Variants in GRM8 observed in about 807,000 individuals in gnomAD.
GRM8 encodes the protein metabotropic glutamate receptor 8.
GRM8 carries 47 observed loss-of-function variants against 87.2 expected under a neutral mutation model. The observed-to-expected ratio is 0.54, with a 90% CI of 0.43 to 0.69. The LOEUF is 0.69. GRM8 is among the 30% of genes least tolerant of loss of function. The pLI is 0.00. For synonymous variants in GRM8, 396 were observed against 404.5 expected (o/e 0.98, Z 0.25); for missense variants, 1,019 against 1,139.2 (o/e 0.89, Z 1.52).
At chr7:126,806,053 G>T (rs1215114003) in intron 6 of GRM8, among the ~76,000 whole-genome samples, 1 of 152,156 alleles carries the variant, frequency 6.6e-6, no homozygotes, top group Non-Finnish European at 1.5e-5. Context: ...GTCCAGAATT[G>T]GTGGGTTCTT....
At chr7:127,091,975 A>C (rs943389645) in intron 3 of GRM8, among the ~76,000 whole-genome samples, 23 of 7,614 alleles carry the variant, frequency 3.0e-3, no homozygotes, top group South Asian at 4.3e-3. Context: ...ACCATCCCCC[A>C]TCCCACTGAT....
At chr7:127,112,520 C>T (rs1241290123) in intron 2 of GRM8, among the ~76,000 whole-genome samples, 1 of 152,196 alleles carries the variant, frequency 6.6e-6, no homozygotes, top group East Asian at 1.9e-4. Context: ...TGAGCCCATC[C>T]ATCCATTAAT....
At chr7:126,587,762 A>G (rs920473163) in intron 8 of GRM8, among the ~76,000 whole-genome samples, 1 of 152,042 alleles carries the variant, frequency 6.6e-6, no homozygotes, top group African/African-American at 2.4e-5. Flanking sequence ...AACATGGCAC[A>G]TGTATACATA....
intron 7 of GRM8, among the ~76,000 whole-genome samples, chr7:126,650,174 G>T (rs140556369): frequency 0.016 from 2,452 of 152,290 alleles, 39 homozygotes; most frequent in Non-Finnish European, 0.025. Flanking sequence ...CATGTCCACA[G>T]CATTCCATCA....
At chr7:127,007,052 A>G (rs1184561826) in intron 3 of GRM8, among the ~76,000 whole-genome samples, 1 of 151,962 alleles carries the variant, frequency 6.6e-6, no homozygotes, top group Non-Finnish European at 1.5e-5. Context: ...GGTGGAACCC[A>G]TCTTTCCCTA....
rs372212578 is a variant in GRM8 at position 126,828,887 on chromosome 7, T to C, written c.1157-58822A>G. 3.1e-4 allele frequency among the ~76,000 whole-genome samples: 47 copies of C among 152,302 alleles called. No individual in the cohort carries two copies. The East Asian group carries it at 8.5e-3, about 28-fold the overall frequency. ...CACTGCTGTGAATGTGTCCCAGAGATTCTGGTATGTTGTGTCTTTGTTCTC... is the reference window on the plus strand; with the variant it reads ...CACTGCTGTGAATGTGTCCCAGAGACTCTGGTATGTTGTGTCTTTGTTCTC... On this transcript the variant is annotated intron_variant, in intron 6 of 10. Transcript: ENST00000339582.
intron 2 of GRM8, among the ~76,000 whole-genome samples, chr7:127,129,658 T>C (rs190241221): frequency 6.6e-6 from 1 of 152,118 alleles, no homozygotes; most frequent in Admixed American, 6.5e-5. Flanking sequence ...GCTAAACCAA[T>C]GAGAAAAATC....
At chr7:126,952,214 C>A (rs1261632449) in intron 3 of GRM8, among the ~76,000 whole-genome samples, 2 of 151,730 alleles carry the variant, frequency 1.3e-5, no homozygotes, top group Admixed American at 1.3e-4. Flanking sequence ...AAAGCTGGAA[C>A]AAATTAAACA....
chr7:126,914,164 C>T (rs2896386), intron 3 of GRM8, among the ~76,000 whole-genome samples: 71 of 152,038 alleles, frequency 4.7e-4, no homozygotes, highest in African/African-American at 1.5e-3. Flanking sequence ...AACAAATATA[C>T]GAAAAAAATG....
intron 6 of GRM8, among the ~76,000 whole-genome samples, chr7:126,792,846 C>T (rs973750152): frequency 6.6e-6 from 1 of 152,134 alleles, no homozygotes; most frequent in Non-Finnish European, 1.5e-5. Flanking sequence ...GGTGACTGGC[C>T]ACAGCAGGAT....
At chr7:126,666,962 G>A (rs1034880076) in intron 7 of GRM8, among the ~76,000 whole-genome samples, 1 of 152,014 alleles carries the variant, frequency 6.6e-6, no homozygotes, top group East Asian at 1.9e-4. Context: ...GTGTATCTCT[G>A]TATTGCCTTT....
chr7:126,689,713 G>C (rs1457740593), intron 7 of GRM8, among the ~76,000 whole-genome samples: 3 of 152,168 alleles, frequency 2.0e-5, no homozygotes, highest in African/African-American at 4.8e-5. Flanking sequence ...AACAATTGTA[G>C]ATTGCATTTT....
intron 8 of GRM8, among the ~76,000 whole-genome samples, chr7:126,560,902 GC>G (rs1793622397): frequency 1.3e-5 from 2 of 152,242 alleles, no homozygotes; most frequent in South Asian, 4.1e-4. Context: ...TATTATAGCA[GC>G]CCATGAAATC....
rs1054708139 is a variant in GRM8, at chr7:127,252,505, C to G, written c.-312+292G>C. 1 of 152,572 alleles carries G rather than the reference C, an allele frequency of 6.6e-6. No homozygotes were observed. Among genetic ancestry groups the G allele is most frequent in the Non-Finnish European group, 1.5e-5 (1 of 68,314 alleles). The allele number at this position is 152,572 out of a possible 1,614,324, so 9.5% of individuals were successfully genotyped here. On this transcript the variant is annotated intron_variant, in intron 1 of 10. Transcript: ENST00000339582. This position sits in a 1 kb window ranked among gnomAD's most constrained non-coding sequence, Gnocchi z 4.9. ...CTGGTGCCCACTCTCCTTCTCCCCC[C>G]ATTCCCGTCACCTCCGCCCGCTATT...
intron 7 of GRM8, among the ~76,000 whole-genome samples, chr7:126,748,838 A>G (rs1354110155): frequency 6.6e-6 from 1 of 152,156 alleles, no homozygotes; most frequent in South Asian, 2.1e-4. Context: ...AGACTTACAC[A>G]TATGTATTCA....
In GRM8 at chr7:126,707,543, G is replaced by T. The variant is rs1054292410; in HGVS notation, c.1357+62322C>A. On this transcript the variant is annotated intron_variant, in intron 7 of 10. Coordinates refer to ENST00000339582, the MANE Select transcript of GRM8 (RefSeq NM_000845.3). The stretch of plus-strand genomic sequence containing the variant: ...TACTTCTCCTATACTCTAGGTCTAC[G>T]CTAGGCTCTAGAGTTTCAACGCATT... 4.6e-5 allele frequency among the ~76,000 whole-genome samples: 7 copies of T among 152,006 alleles called. No homozygotes were observed. In the East Asian group the frequency reaches 1.2e-3, roughly 25 times the overall value.
intron 3 of GRM8, among the ~76,000 whole-genome samples, chr7:126,937,768 T>C (rs1586525685): frequency 1.3e-5 from 2 of 152,208 alleles, no homozygotes; most frequent in Non-Finnish European, 2.9e-5. Context: ...AGATAACTTG[T>C]CCTTTAGTGC....
intron 2 of GRM8, among the ~76,000 whole-genome samples, chr7:127,212,440 C>T (rs564596751): frequency 4.0e-5 from 4 of 99,004 alleles, no homozygotes; most frequent in African/African-American, 9.8e-5. Flanking sequence ...TTTTTTGAGA[C>T]GGAGTCTCGC....
intron 7 of GRM8, among the ~76,000 whole-genome samples, chr7:126,709,952 A>T (rs1267805780): frequency 6.6e-6 from 1 of 152,186 alleles, no homozygotes; most frequent in Admixed American, 6.6e-5. Flanking sequence ...TCACTTACAC[A>T]GGCATACCTT....
Sources: gnomAD v4.1 joint callset for allele counts (sites outside exome capture counted in the v4.1 genomes callset) on GRCh38, gnomAD v4.1.1 for gene constraint, Gnocchi (gnomAD v3.1) non-coding constraint, MANE v1.5 for transcripts, NCBI Gene and HGNC (gene_info 2026-07-23, HGNC 2026-07-21) for gene names.